MGAT4C: variants seen among roughly 807,000 people sequenced by gnomAD.
MGAT4C encodes the protein alpha-1,3-mannosyl-glycoprotein 4-beta-N-acetylglucosaminyltransferase C.
A neutral mutation model predicts 40.1 loss-of-function variants in MGAT4C; 19 were observed. The observed-to-expected ratio is 0.47, with a 90% CI of 0.33 to 0.70. The LOEUF (loss-of-function observed/expected upper bound fraction) is 0.70, where lower values mean the gene tolerates loss of function less well. Ranked by LOEUF, MGAT4C falls within the 30% of genes least tolerant of loss-of-function variation. The pLI, the probability that MGAT4C is intolerant of heterozygous loss-of-function variation, is 0.02. For missense variants in MGAT4C, 491 were observed against 563.2 expected, an observed-to-expected ratio of 0.87 and a Z score of 1.30; for synonymous variants, 181 against 187.1, an observed-to-expected ratio of 0.97 and a Z score of 0.27.
rs1253241857 is a variant in MGAT4C at position 85,968,193 on chromosome 12, G to A, written c.*11096C>T. The A allele has an allele frequency of 1.3e-5, 2 of 152,000 alleles. No individual in the cohort carries two copies. Among genetic ancestry groups the A allele is most frequent in the African/African-American group, 2.4e-5 (1 of 41,412 alleles). 9.4% of individuals were successfully genotyped at this position (152,000 alleles called of 1,614,324 possible). ...AAAAGTCCACTGTGGAAAACTGATA[G>A]TTTTTCTCCTTCTTTCTTGAATATG... On this transcript the variant is annotated 3_prime_UTR_variant, in exon 5 of 5. Coordinates refer to ENST00000611864, the MANE Select transcript of MGAT4C (RefSeq NM_001351288.2).
At chr12:86,219,078 G>T (rs1304548701) in intron 1 of MGAT4C, among the ~76,000 whole-genome samples, 2 of 152,084 alleles carry the variant, frequency 1.3e-5, no homozygotes, top group Non-Finnish European at 2.9e-5. Flanking sequence ...TACTCCGGAG[G>T]CTGAGGCAGG....
intron 1 of MGAT4C, among the ~76,000 whole-genome samples, chr12:86,194,745 T>C (rs1280421654): frequency 6.6e-6 from 1 of 152,158 alleles, no homozygotes; most frequent in East Asian, 1.9e-4. Flanking sequence ...ATTACAGGCA[T>C]GAACCACTGC....
chr12:86,642,576 T>C (rs1384531579), intron 2 of MGAT4C, among the ~76,000 whole-genome samples: 1 of 151,718 alleles, frequency 6.6e-6, no homozygotes, highest in Non-Finnish European at 1.5e-5. Context: ...AAATTTGAAT[T>C]AATGGTGTCC....
At chr12:86,256,208 A>T (rs1952508725) in intron 1 of MGAT4C, 31 bp downstream of exon 1, 2 of 152,100 alleles carry the variant, frequency 1.3e-5, no homozygotes, top group African/African-American at 2.4e-5. Context: ...CTTTATTTTA[A>T]AAGAGAAGGT....
chr12:86,442,061 T>C (rs549329424), intron 2 of MGAT4C, among the ~76,000 whole-genome samples: 6 of 152,254 alleles, frequency 3.9e-5, no homozygotes, highest in African/African-American at 7.2e-5. Context: ...TGGTATCTCA[T>C]TGTGGTTTTG....
At chr12:86,365,443 A>T (rs1922746) in intron 3 of MGAT4C, among the ~76,000 whole-genome samples, 2 of 151,928 alleles carry the variant, frequency 1.3e-5, no homozygotes, top group Non-Finnish European at 2.9e-5. Flanking sequence ...CGGGATTAAG[A>T]GATTAAAGAC....
intron 2 of MGAT4C, among the ~76,000 whole-genome samples, chr12:86,608,350 A>AGGG: frequency 6.6e-6 from 1 of 152,210 alleles, no homozygotes; most frequent in East Asian, 1.9e-4. Context: ...AGGCTTAGAA[A>AGGG]GGGAGATCAC....
At chr12:86,760,835 A>C (rs946212520) in intron 1 of MGAT4C, among the ~76,000 whole-genome samples, 1 of 152,198 alleles carries the variant, frequency 6.6e-6, no homozygotes, top group Non-Finnish European at 1.5e-5. Context: ...GAATGAAAGA[A>C]GCCAGATAAA....
In MGAT4C at chr12:85,957,629, TC is replaced by T. The variant is rs538440311; in HGVS notation, c.*21659del. On this transcript the variant is annotated 3_prime_UTR_variant, in exon 5 of 5. Coordinates refer to ENST00000611864, the MANE Select transcript of MGAT4C (RefSeq NM_001351288.2). ...TTATGTCAAATAAAACCACAGATTT[TC>T]TTTTACTGTAGAGTTGAATAAGAAA... The T allele has an allele frequency of 6.8e-6, 1 of 148,142 alleles. No individual in the cohort carries two copies. Among genetic ancestry groups the T allele is most frequent in the South Asian group, 2.1e-4 (1 of 4,744 alleles). The allele number at this position is 148,142 out of a possible 1,614,324, so 9.2% of individuals were successfully genotyped here.
intron 2 of MGAT4C, among the ~76,000 whole-genome samples, chr12:86,575,697 G>A (rs963411050): frequency 1.3e-5 from 2 of 151,850 alleles, no homozygotes; most frequent in Non-Finnish European, 2.9e-5. Flanking sequence ...TTGATATGCT[G>A]ATTTCCTTTA....
chr12:86,823,809 A>C (rs1160784359), intron 1 of MGAT4C, among the ~76,000 whole-genome samples: 1 of 151,200 alleles, frequency 6.6e-6, no homozygotes, highest in African/African-American at 2.4e-5. Context: ...TGATATGCAG[A>C]AAACAGTAGA....
Position 85,983,560 on chromosome 12 carries a change from G to C in MGAT4C, c.258C>G (p.Thr86=). The stretch of plus-strand genomic sequence containing the variant: ...AAGGTGTGGCAGCTAGGTAGCGATA[G>C]GTGACATTTATGGCTCCTGAGAAAT... ...LSNFSGAINV[T]YRYLAATPLQ... The change falls in exon 4 of 5, where the codon ACC becomes ACG. Residue 86 remains threonine, a synonymous_variant. Coordinates refer to ENST00000611864, the MANE Select transcript of MGAT4C (RefSeq NM_001351288.2). The C allele has an allele frequency of 1.3e-6, 2 of 1,594,494 alleles. No homozygotes were observed. The highest frequency in any genetic ancestry group is 1.7e-6 in the Non-Finnish European group (2 of 1,171,860).
intron 1 of MGAT4C, among the ~76,000 whole-genome samples, chr12:86,766,343 T>C (rs1321179045): frequency 6.6e-6 from 1 of 152,028 alleles, no homozygotes; most frequent in Non-Finnish European, 1.5e-5. Flanking sequence ...ATGCACCCAA[T>C]ACAGGAGCAC....
chr12:86,420,776 C>CAT (rs55902338), intron 3 of MGAT4C, among the ~76,000 whole-genome samples: 28,388 of 143,584 alleles, frequency 0.2, 3,042 homozygotes, highest in African/African-American at 0.29. Context: ...ATTTACCTGA[C>CAT]ATATATATAT....
chr12:86,284,497 A>C (rs552591995), intron 4 of MGAT4C, among the ~76,000 whole-genome samples: 1 of 152,040 alleles, frequency 6.6e-6, no homozygotes, highest in East Asian at 1.9e-4. Flanking sequence ...CCAAAAAAAT[A>C]CCCAAAAAAC....
intron 2 of MGAT4C, among the ~76,000 whole-genome samples, chr12:86,502,147 G>A (rs1387347691): frequency 6.6e-6 from 1 of 151,948 alleles, no homozygotes; most frequent in Non-Finnish European, 1.5e-5. Context: ...AATGTTATTG[G>A]GAAGGAATTA....
At chr12:86,067,988 A>G (rs1300522851) in intron 1 of MGAT4C, 1 of 152,124 alleles carries the variant, frequency 6.6e-6, no homozygotes, top group Non-Finnish European at 1.5e-5. Context: ...TCCTCACCAA[A>G]AAATCTGGAA....
intron 4 of MGAT4C, among the ~76,000 whole-genome samples, chr12:86,271,159 C>G (rs1403500333): frequency 2.0e-5 from 3 of 152,182 alleles, no homozygotes; most frequent in South Asian, 2.1e-4. Flanking sequence ...CAAAAACAGA[C>G]AAGTGGGGCT....
At chr12:86,641,241 T>C (rs965506027) in intron 2 of MGAT4C, among the ~76,000 whole-genome samples, 1 of 151,592 alleles carries the variant, frequency 6.6e-6, no homozygotes, top group Non-Finnish European at 1.5e-5. Flanking sequence ...AAATTGGAAA[T>C]AATCATTCTC....
Sources: allele counts gnomAD v4.1 joint callset (sites outside exome capture counted in the v4.1 genomes callset), GRCh38; gene constraint gnomAD v4.1.1; transcripts MANE v1.5; gene names NCBI Gene and HGNC (gene_info 2026-07-23, HGNC 2026-07-21).